Variants in NME7 observed in about 807,000 individuals in gnomAD.
NME7 encodes the protein nucleoside diphosphate kinase 7.
A neutral mutation model predicts 49.1 loss-of-function variants in NME7; 41 were observed. The ratio of observed to expected loss-of-function variants is 0.83; its 90% CI spans 0.65 to 1.08. NME7 has a LOEUF of 1.08. Among genes scored for constraint, NME7 ranks in the 50% least tolerant of loss-of-function variants. The pLI is 0.00. For synonymous variants in NME7, 139 were observed against 150.6 expected, an observed-to-expected ratio of 0.92 and a Z score of 0.56; for missense variants, 423 against 463.4, an observed-to-expected ratio of 0.91 and a Z score of 0.80.
At chr1:169,151,057 C>T (rs571584410) in intron 11 of NME7, among the ~76,000 whole-genome samples, 1 of 152,304 alleles carries the variant, frequency 6.6e-6, no homozygotes, top group South Asian at 2.1e-4. Flanking sequence ...CAAAAACAGG[C>T]AGCAAGGGAT....
chr1:169,244,826 C>A (rs1648242276), intron 7 of NME7, among the ~76,000 whole-genome samples: 4 of 151,542 alleles, frequency 2.6e-5, no homozygotes, highest in Admixed American at 1.3e-4. Flanking sequence ...AATATTTTCC[C>A]TTGATATCAC....
At chr1:169,204,612 C>T (rs1044197386) in intron 10 of NME7, among the ~76,000 whole-genome samples, 3 of 152,088 alleles carry the variant, frequency 2.0e-5, no homozygotes, top group Admixed American at 6.6e-5. Flanking sequence ...CGCACTCTCT[C>T]GGAAACCTTA....
intron 7 of NME7, among the ~76,000 whole-genome samples, chr1:169,269,521 T>C (rs1649421359): frequency 1.5e-5 from 2 of 133,650 alleles, no homozygotes; most frequent in African/African-American, 5.1e-5. Context: ...GGAAATCAAA[T>C]ATGAAAAAGC....
chr1:169,331,352 C>A (rs976516326), intron 1 of NME7, among the ~76,000 whole-genome samples: 19 of 152,058 alleles, frequency 1.2e-4, no homozygotes, highest in African/African-American at 4.6e-4. Flanking sequence ...TATGACAGAC[C>A]CACAGCTAGT....
chr1:169,324,565 A>G (rs985140759), intron 1 of NME7, 65 bp from the exon 2 acceptor site: 2 of 971,392 alleles, frequency 2.1e-6, no homozygotes, highest in Non-Finnish European at 1.6e-6. Context: ...TCTGTAAGTC[A>G]CACAAAATGA....
intron 7 of NME7, among the ~76,000 whole-genome samples, chr1:169,247,843 C>A (rs1333332111): frequency 6.6e-6 from 1 of 152,108 alleles, no homozygotes; most frequent in Admixed American, 6.6e-5. Context: ...GAGTAGTATT[C>A]CATGGTGTAT....
intron 7 of NME7, among the ~76,000 whole-genome samples, chr1:169,242,167 G>T (rs1355185825): frequency 6.6e-6 from 1 of 151,324 alleles, no homozygotes; most frequent in Admixed American, 6.6e-5. Flanking sequence ...TATAAATTTA[G>T]CAACATATAC....
In NME7 at chr1:169,268,479, C is replaced by T. The variant is rs185950173; in HGVS notation, c.754+18824G>A. Among the ~76,000 whole-genome samples the T allele has an allele frequency of 8.3e-3, 1,106 of 133,102 alleles. 152 individuals carry two copies. Among genetic ancestry groups the T allele is most frequent in the African/African-American group, 0.027 (1,053 of 39,472 alleles). The allele number at this position is 133,102 out of a possible 152,430, so 87.3% of individuals were successfully genotyped here. The stretch of plus-strand genomic sequence containing the variant: ...AATATAAATCATTCTACCATAAACA[C>T]GCATGCAAATGTTCACTGAAGCACT... On this transcript the variant is annotated intron_variant, in intron 7 of 11. Coordinates refer to ENST00000367811, the MANE Select transcript of NME7 (RefSeq NM_013330.5).
At chr1:169,316,681 C>A (rs1440967663) in intron 3 of NME7, among the ~76,000 whole-genome samples, 1 of 152,096 alleles carries the variant, frequency 6.6e-6, no homozygotes, top group Non-Finnish European at 1.5e-5. Flanking sequence ...CTCAAGCCTG[C>A]TATTGGTGGC....
intron 10 of NME7, among the ~76,000 whole-genome samples, chr1:169,188,615 A>G (rs1262069959): frequency 1.3e-5 from 2 of 152,186 alleles, no homozygotes; most frequent in African/African-American, 4.8e-5. Context: ...TATTTTTCAG[A>G]AAGTTTAACT....
At chr1:169,170,046 C>T (rs1283037138) in intron 10 of NME7, among the ~76,000 whole-genome samples, 1 of 151,842 alleles carries the variant, frequency 6.6e-6, no homozygotes, top group African/African-American at 2.4e-5. Flanking sequence ...GAAGAGAGGA[C>T]CTAGGGGATA....
intron 10 of NME7, among the ~76,000 whole-genome samples, chr1:169,183,890 T>C (rs1185877852): frequency 6.6e-6 from 1 of 152,184 alleles, no homozygotes; most frequent in African/African-American, 2.4e-5. Context: ...AATCAGAATA[T>C]GCCATTTCTT....
chr1:169,341,944 GA>G (rs374955628), intron 1 of NME7, among the ~76,000 whole-genome samples: 31 of 152,274 alleles, frequency 2.0e-4, no homozygotes, highest in African/African-American at 7.0e-4. Flanking sequence ...CTCACAGGTA[GA>G]AAAGACTTGC....
intron 7 of NME7, among the ~76,000 whole-genome samples, chr1:169,247,579 A>G (rs144460044): frequency 3.4e-4 from 52 of 152,270 alleles, no homozygotes; most frequent in African/African-American, 1.2e-3. Flanking sequence ...TAGTGCACCC[A>G]TCATCCAAGT....
chr1:169,317,693 T>C (rs943695170), intron 3 of NME7, among the ~76,000 whole-genome samples: 1 of 152,164 alleles, frequency 6.6e-6, no homozygotes, highest in Non-Finnish European at 1.5e-5. Flanking sequence ...ACTAAACTAA[T>C]ATTCATCTGG....
intron 10 of NME7, among the ~76,000 whole-genome samples, chr1:169,218,456 C>T (rs188073358): frequency 5.0e-4 from 76 of 152,100 alleles, no homozygotes; most frequent in African/African-American, 1.8e-3. Flanking sequence ...CCATGTAGCA[C>T]ATGCCTATAG....
At chr1:169,219,565 C>A (rs201508994) in intron 10 of NME7, among the ~76,000 whole-genome samples, 1 of 151,758 alleles carries the variant, frequency 6.6e-6, no homozygotes, top group Admixed American at 6.6e-5. Flanking sequence ...TTTATCATAT[C>A]TTATAATTAT....
At chr1:169,225,422 T>C (rs2101812086) in intron 10 of NME7, among the ~76,000 whole-genome samples, 1 of 152,180 alleles carries the variant, frequency 6.6e-6, no homozygotes, top group African/African-American at 2.4e-5. Flanking sequence ...TTGACGTTAG[T>C]GGAGGGTAAA....
chr1:169,287,707 C>A (rs1260535946), intron 6 of NME7, among the ~76,000 whole-genome samples: 2 of 151,738 alleles, frequency 1.3e-5, no homozygotes, highest in Non-Finnish European at 2.9e-5. Context: ...TTGGAAATAC[C>A]AATATAAAGT....
Sources: gnomAD v4.1 joint callset for allele counts (sites outside exome capture counted in the v4.1 genomes callset) on GRCh38, gnomAD v4.1.1 for gene constraint, MANE v1.5 for transcripts, NCBI Gene and HGNC (gene_info 2026-07-23, HGNC 2026-07-21) for gene names.